The following TEAD1 variants were observed in gnomAD, a reference collection of about 807,000 sequenced individuals.
The protein encoded by TEAD1 is transcriptional enhancer factor TEF-1.
Under a neutral mutation model 54.9 loss-of-function variants are expected in TEAD1, and 9 were observed. The observed-to-expected ratio is 0.16, with a 90% confidence interval of 0.10 to 0.29. TEAD1 has a LOEUF of 0.29. Among genes scored for constraint, TEAD1 ranks in the 10% least tolerant of loss-of-function variants. TEAD1 has a pLI of 1.00. For synonymous variants in TEAD1, 200 were observed against 187.8 expected, an observed-to-expected ratio of 1.07 and a Z score of -0.53; for missense variants, 387 against 535.9, an observed-to-expected ratio of 0.72 and a Z score of 2.74.
chr11:12,691,530 C>T (rs1371932142), intron 2 of TEAD1, among the ~76,000 whole-genome samples: 3 of 152,134 alleles, frequency 2.0e-5, no homozygotes, highest in Non-Finnish European at 4.4e-5. Flanking sequence ...GCTTTCCTTG[C>T]ACACTTGCTC....
At chr11:12,829,955 A>G (rs946769104) in intron 3 of TEAD1, among the ~76,000 whole-genome samples, 2 of 152,156 alleles carry the variant, frequency 1.3e-5, no homozygotes, top group African/African-American at 4.8e-5. Flanking sequence ...CAGGGCAGGG[A>G]CATTTCTGAG....
rs539592629 is a variant in TEAD1, at chr11:12,727,101, G to A, written c.-54-37078G>A. Among the ~76,000 whole-genome samples, 508 of 152,114 alleles carry A rather than the reference G, an allele frequency of 3.3e-3. 3 individuals are homozygous for A. Among genetic ancestry groups the A allele is most frequent in the African/African-American group, 0.012 (487 of 41,516 alleles). ...CTAAAAATACAAAAATCAGCTGGACGTGGTGGTGCACGCCTGTAGTCCCAG... is the reference window on the plus strand; with the variant it reads ...CTAAAAATACAAAAATCAGCTGGACATGGTGGTGCACGCCTGTAGTCCCAG... On this transcript the variant is annotated intron_variant, in intron 2 of 12. Transcript: ENST00000527636.
chr11:12,705,662 A>G (rs1408966042), intron 2 of TEAD1, among the ~76,000 whole-genome samples: 3 of 152,224 alleles, frequency 2.0e-5, no homozygotes, highest in Non-Finnish European at 4.4e-5. Context: ...AGCTATTAAT[A>G]AAAGTTGTGT....
intron 9 of TEAD1, among the ~76,000 whole-genome samples, chr11:12,897,070 T>C (rs1252653985): frequency 6.6e-6 from 1 of 152,222 alleles, no homozygotes; most frequent in Non-Finnish European, 1.5e-5. Context: ...GCCTTGCATA[T>C]GTGAGTCATT....
intron 3 of TEAD1, among the ~76,000 whole-genome samples, chr11:12,813,478 C>T (rs1946348651): frequency 6.6e-6 from 1 of 152,174 alleles, no homozygotes; most frequent in Non-Finnish European, 1.5e-5. Flanking sequence ...GGGAAAATAA[C>T]ATTTCCCATA....
chr11:12,877,659 CAAA>C (rs112123980), intron 5 of TEAD1, among the ~76,000 whole-genome samples: 3 of 141,564 alleles, frequency 2.1e-5, no homozygotes, highest in African/African-American at 7.7e-5. Flanking sequence ...AACTCCATCT[CAAA>C]AAAAAAAAAG....
chr11:12,886,486 A>C (rs987623567), intron 9 of TEAD1, among the ~76,000 whole-genome samples: 1 of 152,208 alleles, frequency 6.6e-6, no homozygotes, highest in Non-Finnish European at 1.5e-5. Context: ...TTGAGCACCT[A>C]CTACACGCCA....
At chr11:12,724,236 G>A (rs1044221207) in intron 2 of TEAD1, among the ~76,000 whole-genome samples, 1 of 152,174 alleles carries the variant, frequency 6.6e-6, no homozygotes, top group African/African-American at 2.4e-5. Context: ...TGGGCTCTCC[G>A]TAATGCTGCC....
chr11:12,918,007 C>G (rs1291528899), intron 10 of TEAD1, among the ~76,000 whole-genome samples: 1 of 152,066 alleles, frequency 6.6e-6, no homozygotes, highest in Non-Finnish European at 1.5e-5. Context: ...TAGAAAATAT[C>G]CTGTGGTTAG....
At chr11:12,908,275 C>G (rs977052002) in intron 10 of TEAD1, among the ~76,000 whole-genome samples, 2 of 152,154 alleles carry the variant, frequency 1.3e-5, no homozygotes, top group African/African-American at 4.8e-5. Context: ...GGAATGGTAC[C>G]AGACAACTAG....
chr11:12,855,038 GC>G (rs1418901820), intron 3 of TEAD1, among the ~76,000 whole-genome samples: 1 of 152,076 alleles, frequency 6.6e-6, no homozygotes, highest in Non-Finnish European at 1.5e-5. Flanking sequence ...AGTTGCTATG[GC>G]ATCCGTGTAG....
chr11:12,778,003 A>G (rs886826376), intron 3 of TEAD1, among the ~76,000 whole-genome samples: 1 of 152,240 alleles, frequency 6.6e-6, no homozygotes, highest in African/African-American at 2.4e-5. Flanking sequence ...TGTTCTTGCA[A>G]TGAATTTTTG....
intron 3 of TEAD1, among the ~76,000 whole-genome samples, chr11:12,771,679 A>G (rs187565356): frequency 1.6e-4 from 24 of 152,224 alleles, no homozygotes; most frequent in Admixed American, 1.4e-3. Context: ...AGGAGTTGGA[A>G]ATTCCTGCCT....
intron 4 of TEAD1, 139 bp from the exon 5 acceptor site, chr11:12,864,699 T>C: frequency 6.3e-7 from 1 of 1,579,218 alleles, no homozygotes; most frequent in Non-Finnish European, 8.6e-7. Context: ...TCTAGTCATA[T>C]ACAGGTCTTA....
At chr11:12,702,156 C>T (rs748358395) in intron 2 of TEAD1, among the ~76,000 whole-genome samples, 12 of 152,172 alleles carry the variant, frequency 7.9e-5, no homozygotes, top group Admixed American at 7.2e-4. Context: ...GTTTCCCTCT[C>T]AGCACTCAGG....
In TEAD1 at chr11:12,688,378, AT is replaced by A. The variant is rs1564907165; in HGVS notation, c.-55+12818del. Among the ~76,000 whole-genome samples, 3 of 152,298 alleles carry A rather than the reference AT, an allele frequency of 2.0e-5. No individual in the cohort carries two copies. In the East Asian group the frequency reaches 5.8e-4, roughly 29 times the overall value. On this transcript the variant is annotated intron_variant, in intron 2 of 12. Transcript: ENST00000527636. ...TGGTGGGAGGCAGTGGGGCTGGTTG[AT>A]ACAATCTTTTCCTCCTGTCTACCTG... is the stretch of plus-strand genomic sequence containing the variant.
intron 11 of TEAD1, among the ~76,000 whole-genome samples, chr11:12,928,045 T>G (rs1404708474): frequency 2.0e-5 from 3 of 152,224 alleles, no homozygotes; most frequent in Non-Finnish European, 4.4e-5. Flanking sequence ...CTTAGGATTT[T>G]TATTAGTTAC....
intron 5 of TEAD1, among the ~76,000 whole-genome samples, chr11:12,878,176 G>A (rs1206216437): frequency 1.3e-5 from 2 of 152,056 alleles, no homozygotes; most frequent in African/African-American, 2.4e-5. Context: ...AATTCACATT[G>A]TCTTCCTGAC....
chr11:12,837,779 C>CT (rs147115604), intron 3 of TEAD1, among the ~76,000 whole-genome samples: 3,114 of 138,582 alleles, frequency 0.022, 140 homozygotes, highest in African/African-American at 0.078. Context: ...CCTTCTCTTC[C>CT]TCTTCTTCCT....
Sources: allele counts gnomAD v4.1 joint callset (sites outside exome capture counted in the v4.1 genomes callset), GRCh38; gene constraint gnomAD v4.1.1; transcripts MANE v1.5; gene names NCBI Gene and HGNC (gene_info 2026-07-23, HGNC 2026-07-21).